DHCR7: variants seen among roughly 807,000 people sequenced by gnomAD.
The protein encoded by DHCR7 is 7-DHC reductase.
In DHCR7, 40 loss-of-function variants were observed where a neutral mutation model predicts 43.3. The ratio of observed to expected loss-of-function variants is 0.92; its 90% CI spans 0.72 to 1.20. The LOEUF is 1.20. Among genes scored for constraint, DHCR7 ranks in the 50% most tolerant of loss-of-function variants. The pLI is 0.00. For synonymous variants in DHCR7, 298 were observed against 271.4 expected, an observed-to-expected ratio of 1.10 and a Z score of -0.96; for missense variants, 608 against 644.6, an observed-to-expected ratio of 0.94 and a Z score of 0.62.
downstream of DHCR7, among the ~76,000 whole-genome samples, chr11:71,430,850 T>C (rs1358343446): frequency 6.6e-6 from 1 of 151,980 alleles, no homozygotes; most frequent in African/African-American, 2.4e-5. Context: ...GGCTTGTGAG[T>C]ATGCAGTAAA....
chr11:71,443,606 A>G (rs929959024), intron 4 of DHCR7, among the ~76,000 whole-genome samples: 4 of 152,136 alleles, frequency 2.6e-5, no homozygotes, highest in Non-Finnish European at 5.9e-5. Flanking sequence ...TGACTGAGAG[A>G]GTCCCTTTGG....
At chr11:71,432,796 CAAG>C (rs1021828073), downstream of DHCR7, among the ~76,000 whole-genome samples, 2 of 152,150 alleles carry the variant, frequency 1.3e-5, no homozygotes, top group African/African-American at 4.8e-5. Context: ...CTCAGTTTCC[CAAG>C]AAATCAGCTG....
chr11:71,428,551 G>A, exon 3 of DHCR7: 1 of 244,234 alleles, frequency 4.1e-6, no homozygotes, highest in Non-Finnish European at 8.3e-6. Flanking sequence ...ACACTGCAAT[G>A]CACAGCCTTG....
At chr11:71,444,309 A>C in intron 3 of DHCR7, 94 bp from the exon 4 acceptor site, 2 of 1,053,454 alleles carry the variant, frequency 1.9e-6, no homozygotes, top group Non-Finnish European at 2.9e-6. Flanking sequence ...ACTGTTGCTC[A>C]AACCCACCAG....
rs1949260611 is a variant in DHCR7, at chr11:71,435,324, G to A, written c.*51C>T. ...CTGGGATGCCAGCCCCCATGGACCT[G>A]GCAGAACACGCTCTTGACAGCCCCA... On this transcript the variant is annotated 3_prime_UTR_variant, in exon 9 of 9. Coordinates refer to ENST00000355527, the MANE Select transcript of DHCR7 (RefSeq NM_001360.3). The A allele has an allele frequency of 1.3e-6, 2 of 1,588,900 alleles. No individual in the cohort carries two copies. The highest frequency in any genetic ancestry group is 1.7e-6 in the Non-Finnish European group (2 of 1,164,700).
At position 71,437,800 on chromosome 11, in the gene DHCR7, C is replaced by G. The variant is rs776165767; in HGVS notation, c.963+12G>C. 6.2e-7 allele frequency: 1 copy of G among 1,613,700 alleles called. No homozygotes were observed. The highest frequency in any genetic ancestry group is 8.5e-7 in the Non-Finnish European group (1 of 1,179,996). On this transcript the variant is annotated intron_variant, in intron 8 of 8. Coordinates refer to ENST00000355527, the MANE Select transcript of DHCR7 (RefSeq NM_001360.3). ...AAATGCCCCGCTGGGCCAGCTCTGC[C>G]CACCTCCTCACCTGCAGCGTGTAAA... is the stretch of plus-strand genomic sequence containing the variant.
intron 2 of DHCR7, among the ~76,000 whole-genome samples, chr11:71,447,308 G>A (rs1949415486): frequency 6.6e-6 from 1 of 152,232 alleles, no homozygotes; most frequent in South Asian, 2.1e-4. Context: ...CTGGGAGAAT[G>A]TTGTCAAAAG....
chr11:71,429,502 C>G (rs1168921175), downstream of DHCR7, among the ~76,000 whole-genome samples: 2 of 152,160 alleles, frequency 1.3e-5, no homozygotes, highest in African/African-American at 4.8e-5. Context: ...GCGGTCAGAT[C>G]CTGGACATTT....
rs1949263246 is a variant in DHCR7, at chr11:71,435,415, G to A, written c.1388C>T (p.Thr463Ile). Residue 463 changes from threonine to isoleucine, a missense_variant, in exon 9 of 9, where the codon ACC becomes ATC. Transcript: ENST00000355527. ...CAGCAGGCGGTAAGGCACTGCGGCG[G>A]TGTAGCGCTCCCAGTCCCGGCCGTA... is the stretch of plus-strand genomic sequence containing the variant. ...SKYGRDWERY[T>I]AAVPYRLLPG... The A allele has an allele frequency of 1.9e-6, 3 of 1,612,642 alleles. No homozygotes were observed. The highest frequency in any genetic ancestry group is 2.5e-6 in the Non-Finnish European group (3 of 1,179,998).
intron 6 of DHCR7, among the ~76,000 whole-genome samples, chr11:71,440,247 G>A (rs922820107): frequency 3.9e-5 from 6 of 152,206 alleles, no homozygotes; most frequent in South Asian, 2.1e-4. Context: ...TCAGGCAGGA[G>A]GTTGACCTGG....
rs542266962 is a variant in DHCR7, at chr11:71,435,454, C to T, written c.1349G>A (p.Arg450His). Residue 450 changes from arginine to histidine, a missense_variant, in exon 9 of 9, where the codon CGC becomes CAC. Physicochemically the swap from Arg to His is conservative, Grantham distance 29. Coordinates refer to ENST00000355527, the MANE Select transcript of DHCR7 (RefSeq NM_001360.3). Reference sequence around the variant, plus strand: ...GTCCCGGCCGTACTTGCTGGCGCAGCGGTGCTCGTCCCGGAGGCAGCGGTG... The same window carrying T: ...GTCCCGGCCGTACTTGCTGGCGCAGTGGTGCTCGTCCCGGAGGCAGCGGTG... ...LTHRCLRDEH[R>H]CASKYGRDWE... 36 of 1,612,660 alleles carry T rather than the reference C, an allele frequency of 2.2e-5. No homozygotes were observed. Among genetic ancestry groups the T allele is most frequent in the African/African-American group, 1.3e-4 (10 of 75,068 alleles).
intron 6 of DHCR7, among the ~76,000 whole-genome samples, 154 bp downstream of exon 6, chr11:71,441,073 G>A (rs1216982967): frequency 6.6e-6 from 1 of 152,222 alleles, no homozygotes; most frequent in African/African-American, 2.4e-5. Context: ...CAGAAAGGAT[G>A]TTCCCCAGGG....
chr11:71,430,521 A>T (rs1949222955), downstream of DHCR7, among the ~76,000 whole-genome samples: 1 of 152,244 alleles, frequency 6.6e-6, no homozygotes, highest in South Asian at 2.1e-4. Context: ...TTAGCAGCTC[A>T]GTTGTCCCCC....
Position 71,434,772 on chromosome 11 carries a change from G to A in DHCR7, c.*603C>T. ...CTGAGGTCTGCAGACTCCAGGCAGA[G>A]CACTCCTGGCAGCTGTGCAGCAGGA... is the stretch of plus-strand genomic sequence containing the variant. On this transcript the variant is annotated 3_prime_UTR_variant, in exon 9 of 9. Transcript: ENST00000355527. 3.4e-6 allele frequency: 1 copy of A among 290,814 alleles called. No homozygotes were observed. The highest frequency in any genetic ancestry group is 9.4e-5 in the East Asian group (1 of 10,670). The allele number at this position is 290,814 out of a possible 1,614,324, so 18.0% of individuals were successfully genotyped here.
In DHCR7 at chr11:71,444,933, G is replaced by T; in HGVS notation, c.20C>A (p.Pro7His). MAAKSQ[P>H]NIPKAKSLDG... ...TAGACTCTTGGCTTTGGGAATGTTGGGTTGCGATTTTGCAGCCATTGGGCC... is the reference window on the plus strand; with the variant it reads ...TAGACTCTTGGCTTTGGGAATGTTGTGTTGCGATTTTGCAGCCATTGGGCC... The change falls in exon 3 of 9, where the codon CCC (proline) becomes CAC (histidine). Residue 7 changes from proline (P) to histidine (H), a missense_variant. Pro to His is a moderately conservative substitution (Grantham distance 77). Transcript: ENST00000355527. 1 of 1,614,154 alleles carries T rather than the reference G, an allele frequency of 6.2e-7. No homozygotes were observed.
rs775034584 is a variant in DHCR7, at chr11:71,435,377, A to G, written c.1426T>C (p.Ter476GlnextTer51). Residue 476 changes from the stop codon to glutamine (Q), a stop_lost, in exon 9 of 9, where the codon TAA becomes CAA. Transcript: ENST00000355527. ...GGGCTTCTCCCTAGGGCGTGCCCTT[A>G]GAAGATTCCAGGCAGCAGGCGGTAA... ...VPYRLLPGIF* is the reference protein window; with the variant it reads ...VPYRLLPGIFQ 3.7e-6 allele frequency: 6 copies of G among 1,611,934 alleles called. No individual in the cohort carries two copies. In the East Asian group the frequency reaches 8.9e-5, roughly 24 times the overall value.
chr11:71,445,772 A>G (rs1949398005), intron 2 of DHCR7, among the ~76,000 whole-genome samples: 1 of 152,240 alleles, frequency 6.6e-6, no homozygotes, highest in South Asian at 2.1e-4. Flanking sequence ...CTTCCAGAAC[A>G]AGTTCATAAC....
chr11:71,438,899 C>T lies in DHCR7; in HGVS notation c.811G>A (p.Val271Ile). The change falls in exon 7 of 9, where the codon GTC (valine) becomes ATC (isoleucine). Residue 271 changes from valine (V) to isoleucine (I), a missense_variant. Physicochemically the swap from Val to Ile is conservative, Grantham distance 29. Coordinates refer to ENST00000355527, the MANE Select transcript of DHCR7 (RefSeq NM_001360.3). ...ELHSHVTNAMVLVNVLQAIYV... is the reference protein window; with the variant it reads ...ELHSHVTNAMILVNVLQAIYV... ...GGCACCTGCAGGACGTTGACCAGGA[C>T]CATGGCATTGGTCACATGGCTGTGG... 1 of 1,613,876 alleles carries T rather than the reference C, an allele frequency of 6.2e-7. No homozygotes were observed. The highest frequency in any genetic ancestry group is 8.5e-7 in the Non-Finnish European group (1 of 1,180,036).
At chr11:71,431,084 G>A (rs1399862693), downstream of DHCR7, among the ~76,000 whole-genome samples, 1 of 152,228 alleles carries the variant, frequency 6.6e-6, no homozygotes, top group Non-Finnish European at 1.5e-5. Context: ...GAACCCGGGA[G>A]GCGGAGGTTG....
Sources: allele counts gnomAD v4.1 joint callset (sites outside exome capture counted in the v4.1 genomes callset), GRCh38; gene constraint gnomAD v4.1.1; transcripts MANE v1.5; gene names NCBI Gene and HGNC (gene_info 2026-07-23, HGNC 2026-07-21).